Variants in SAMHD1 observed in about 807,000 individuals in gnomAD.
SAMHD1 encodes SAM and HD domain containing deoxynucleoside triphosphate triphosphohydrolase 1.
Under a neutral mutation model 79.6 loss-of-function variants are expected in SAMHD1, and 54 were observed. That is an observed-to-expected ratio of 0.68 (90% CI 0.55 to 0.85). The LOEUF is 0.85. SAMHD1 is among the 40% of genes least tolerant of loss of function. The probability of loss-of-function intolerance (pLI) is 0.00; values close to 1 mark genes in which losing one functional copy is unlikely to be tolerated. For missense variants in SAMHD1, 663 were observed against 782.7 expected (o/e 0.85, Z 1.82); for synonymous variants, 260 against 264.1 (o/e 0.98, Z 0.15).
chr20:36,904,341 T>C (rs1376682735), intron 12 of SAMHD1, 92 bp from the exon 13 acceptor site: 9 of 843,996 alleles, frequency 1.1e-5, no homozygotes, highest in Middle Eastern at 2.2e-4. Flanking sequence ...GGCACCTAAC[T>C]AAGAAAAACG....
chr20:36,914,870 G>A (rs2063466115), intron 9 of SAMHD1, among the ~76,000 whole-genome samples: 2 of 150,932 alleles, frequency 1.3e-5, no homozygotes, highest in East Asian at 2.0e-4. Flanking sequence ...AAATTAGCCC[G>A]GTATAGTGGC....
chr20:36,946,793 T>C lies in SAMHD1; in HGVS notation c.220A>G (p.Thr74Ala). ...TCAAGACAAGGCAGTAATGCGCCTG[T>C]GATTTCATTTTCTATGGAAGAAAAA... is the stretch of plus-strand genomic sequence containing the variant. ...LLKNIRENEI[T>A]GALLPCLDES... The change falls in exon 2 of 16, where the codon ACA (threonine) becomes GCA (alanine). Residue 74 changes from threonine to alanine, a missense_variant. Thr to Ala is a moderately conservative substitution (Grantham distance 58, BLOSUM62 0). Transcript: ENST00000646673. The C allele has an allele frequency of 6.2e-7, 1 of 1,612,418 alleles. No individual in the cohort carries two copies. Among genetic ancestry groups the C allele is most frequent in the Non-Finnish European group, 8.5e-7 (1 of 1,178,780 alleles).
intron 5 of SAMHD1, among the ~76,000 whole-genome samples, chr20:36,930,220 G>A (rs2063560274): frequency 6.6e-6 from 1 of 152,132 alleles, no homozygotes; most frequent in Admixed American, 6.6e-5. Context: ...TGATGGCCGG[G>A]CACGGTGGCT....
At chr20:36,921,216 C>CA (rs1484551973) in intron 6 of SAMHD1, among the ~76,000 whole-genome samples, 1 of 151,574 alleles carries the variant, frequency 6.6e-6, no homozygotes, top group Non-Finnish European at 1.5e-5. Flanking sequence ...AACATGGTGA[C>CA]ACCCCATCTC....
intron 5 of SAMHD1, among the ~76,000 whole-genome samples, chr20:36,929,524 C>A (rs2063555771): frequency 6.6e-6 from 1 of 152,068 alleles, no homozygotes; most frequent in African/African-American, 2.4e-5. Context: ...CACTTGAGGT[C>A]AGGAGTTCGA....
At chr20:36,951,373 A>G in intron 1 of SAMHD1, 63 bp downstream of exon 1, 1 of 1,603,234 alleles carries the variant, frequency 6.2e-7, no homozygotes, top group Admixed American at 1.7e-5. Context: ...CCCCTCCCTC[A>G]GGGCGCCTGG....
At chr20:36,925,288 C>T (rs1392318559) in intron 6 of SAMHD1, among the ~76,000 whole-genome samples, 3 of 152,040 alleles carry the variant, frequency 2.0e-5, no homozygotes, top group Non-Finnish European at 4.4e-5. Flanking sequence ...TGAGAAGATC[C>T]TATTAGATCA....
rs1192315307 is a variant in SAMHD1, at chr20:36,935,028, C to T, written c.509+1G>A. 6.2e-7 allele frequency: 1 copy of T among 1,613,800 alleles called. No homozygotes were observed. On this transcript the variant is annotated splice_donor_variant, in intron 4 of 15. Coordinates refer to ENST00000646673, the MANE Select transcript of SAMHD1 (RefSeq NM_015474.4). LOFTEE classifies it high-confidence loss of function. Reference sequence around the variant, plus strand: ...AGTTCCCCACCCCATTCCCTTCTTACCCTAGACTATGCTCAAATCGATTGT... The same window carrying T: ...AGTTCCCCACCCCATTCCCTTCTTATCCTAGACTATGCTCAAATCGATTGT...
Position 36,897,735 on chromosome 20 carries a change from T to C in SAMHD1, c.1746+87A>G, listed in dbSNP as rs115810168. ...CATAACCAAATGACTATAACTTAAA[T>C]GGGAACTTTTCAGCAGATAGACTTA... On this transcript the variant is annotated intron_variant, in intron 15 of 15. Transcript: ENST00000646673. 1,140 of 1,449,452 alleles carry C rather than the reference T, an allele frequency of 7.9e-4. 8 individuals are homozygous for C. In the African/African-American group the frequency reaches 0.015, roughly 19 times the overall value. The allele number at this position is 1,449,452 out of a possible 1,614,324, so 89.8% of individuals were successfully genotyped here.
intron 7 of SAMHD1, among the ~76,000 whole-genome samples, chr20:36,918,801 C>CAAAAA (rs60403097): frequency 1.7e-4 from 11 of 65,412 alleles, no homozygotes; most frequent in Non-Finnish European, 2.2e-4. Flanking sequence ...GACTCTATCT[C>CAAAAA]AAAAAAAAAA....
At chr20:36,911,150 A>T (rs1035284656) in intron 11 of SAMHD1, 68 bp downstream of exon 11, 2 of 864,132 alleles carry the variant, frequency 2.3e-6, no homozygotes. Context: ...AAAATAACTC[A>T]TTGGCAATTC....
intron 11 of SAMHD1, 61 bp downstream of exon 11, chr20:36,911,157 A>G (rs1030378618): frequency 1.1e-6 from 1 of 941,112 alleles, no homozygotes; most frequent in South Asian, 1.4e-5. Flanking sequence ...CTCATTGGCA[A>G]TTCAGGGACT....
chr20:36,893,666 T>C (rs1990135678), intron 15 of SAMHD1: 1 of 386,514 alleles, frequency 2.6e-6, no homozygotes, highest in Admixed American at 4.4e-5. Context: ...TACTTGACTC[T>C]ATGCTAAACT....
intron 3 of SAMHD1, among the ~76,000 whole-genome samples, chr20:36,938,522 C>T (rs1243041833): frequency 6.7e-6 from 1 of 148,468 alleles, no homozygotes; most frequent in South Asian, 2.1e-4. Context: ...CCTGGGCAAC[C>T]GAGTGAAACT....
At chr20:36,902,336 C>T (rs1480015528) in intron 13 of SAMHD1, among the ~76,000 whole-genome samples, 1 of 152,158 alleles carries the variant, frequency 6.6e-6, no homozygotes, top group South Asian at 2.1e-4. Context: ...GCACCCACCA[C>T]CATCCCTGGC....
At chr20:36,889,920 T>TGC (rs1233867906), downstream of SAMHD1, 2 of 152,368 alleles carry the variant, frequency 1.3e-5, no homozygotes, top group Non-Finnish European at 2.9e-5. Flanking sequence ...TGTGTGTGTG[T>TGC]GTGTGTGTGT....
Position 36,923,686 on chromosome 20 carries a change from A to C in SAMHD1, c.696+3496T>G, listed in dbSNP as rs184015567. On this transcript the variant is annotated intron_variant, in intron 6 of 15. Transcript: ENST00000646673. ...AATAAATACCCAGGTGTGACGGTGC[A>C]GGCCTGTGGCCCCAGCTACTTGGGA... Among the ~76,000 whole-genome samples, 30 of 152,288 alleles carry C rather than the reference A, an allele frequency of 2.0e-4. No individual in the cohort carries two copies. In the East Asian group the frequency reaches 4.6e-3, roughly 24 times the overall value.
At chr20:36,920,938 T>C (rs564395402) in intron 6 of SAMHD1, among the ~76,000 whole-genome samples, 1 of 151,634 alleles carries the variant, frequency 6.6e-6, no homozygotes, top group East Asian at 1.9e-4. Flanking sequence ...ATAAAAAGAT[T>C]GGCTGGGTAT....
chr20:36,905,406 A>G lies in SAMHD1; in HGVS notation c.1368T>C (p.Tyr456=), dbSNP rs769561543. The change falls in exon 12 of 16, where the codon TAT becomes TAC. Residue 456 remains tyrosine, a synonymous_variant. Coordinates refer to ENST00000646673, the MANE Select transcript of SAMHD1 (RefSeq NM_015474.4). ...KQIEYRNLFK[Y]VGETQPTGQI... ...GTCCTGTTGGCTGCGTCTCACCCAC[A>G]TACTTGAATAGATTACGGTATTCAA... 2 of 1,614,056 alleles carry G rather than the reference A, an allele frequency of 1.2e-6. No homozygotes were observed. The highest frequency in any genetic ancestry group is 3.3e-5 in the Admixed American group (2 of 60,004).
Sources: gnomAD v4.1 joint callset for allele counts (sites outside exome capture counted in the v4.1 genomes callset) on GRCh38, gnomAD v4.1.1 for gene constraint, MANE v1.5 for transcripts, NCBI Gene and HGNC (gene_info 2026-07-23, HGNC 2026-07-21) for gene names.